VPS8: variants seen among roughly 807,000 people sequenced by gnomAD.
The protein encoded by VPS8 is vacuolar protein sorting-associated protein 8 homolog.
In VPS8, 129 loss-of-function variants were observed where a neutral mutation model predicts 216.4. The observed-to-expected ratio is 0.60, with a 90% CI of 0.52 to 0.69. VPS8 has a LOEUF of 0.69. Ranked by LOEUF, VPS8 falls within the 30% of genes least tolerant of loss-of-function variation. The pLI is 0.00. For synonymous variants in VPS8, 571 were observed against 565.4 expected (o/e 1.01, Z -0.14); for missense variants, 1,531 against 1,683.5 (o/e 0.91, Z 1.59).
chr3:184,869,007 T>C lies in VPS8; in HGVS notation c.1568T>C (p.Phe523Ser), dbSNP rs777102736. 25 of 1,609,710 alleles carry C rather than the reference T, an allele frequency of 1.6e-5. No individual in the cohort carries two copies. In the South Asian group the frequency reaches 2.8e-4, roughly 18 times the overall value. Residue 523 changes from phenylalanine to serine, a missense_variant, in exon 19 of 48, where the codon TTC becomes TCC. Coordinates refer to ENST00000625842, the MANE Select transcript of VPS8 (RefSeq NM_001009921.3). ...GAAGCGTTGGCTCTTGCGTGGTCTTTCCATGAAGGAAAAGCAAAAGCAGTA... is the reference window on the plus strand; with the variant it reads ...GAAGCGTTGGCTCTTGCGTGGTCTTCCCATGAAGGAAAAGCAAAAGCAGTA... ...LTEALALAWS[F>S]HEGKAKAVVG...
rs1265622224 is a variant in VPS8 at position 184,901,518 on chromosome 3, G to GT, written c.2146+557dup. Among the ~76,000 whole-genome samples the GT allele has an allele frequency of 5.9e-3, 829 of 141,562 alleles. 8 individuals are homozygous for GT. The highest frequency in any genetic ancestry group is 0.016 in the African/African-American group (632 of 38,856). 92.9% of individuals were successfully genotyped at this position (141,562 alleles called of 152,430 possible). On this transcript the variant is annotated intron_variant, in intron 25 of 47. Transcript: ENST00000625842. Reference sequence around the variant, plus strand: ...TTTAAGGTTTTTTTGGGTTTTTTTTGTTTTTTTTTTTAGTTAAACTTTCTG... The same window carrying GT: ...TTTAAGGTTTTTTTGGGTTTTTTTTGTTTTTTTTTTTTAGTTAAACTTTCTG...
chr3:184,963,518 T>C (rs1479419637), intron 37 of VPS8, among the ~76,000 whole-genome samples: 1 of 152,132 alleles, frequency 6.6e-6, no homozygotes, highest in African/African-American at 2.4e-5. Context: ...TACATTGTTT[T>C]CTATGGAGCA....
chr3:184,855,856 T>C lies in VPS8; in HGVS notation c.1143+38T>C, dbSNP rs1182092455. Reference sequence around the variant, plus strand: ...ATGACCATTAGAAAGCCTCTTACAATTTTTTTTATTCATCAGCAATTAATA... The same window carrying C: ...ATGACCATTAGAAAGCCTCTTACAACTTTTTTTATTCATCAGCAATTAATA... On this transcript the variant is annotated intron_variant, in intron 14 of 47. Coordinates refer to ENST00000625842, the MANE Select transcript of VPS8 (RefSeq NM_001009921.3). 7 of 1,481,298 alleles carry C rather than the reference T, an allele frequency of 4.7e-6. No homozygotes were observed. In the Admixed American group the frequency reaches 1.4e-4, roughly 30 times the overall value. The allele number at this position is 1,481,298 out of a possible 1,614,324, so 91.8% of individuals were successfully genotyped here.
chr3:184,957,544 G>A, intron 37 of VPS8, 23 bp downstream of exon 37: 1 of 1,594,184 alleles, frequency 6.3e-7, no homozygotes, highest in South Asian at 1.2e-5. Context: ...ATGTAAAAGA[G>A]ACAAGAGTAA....
rs755989364 is a variant in VPS8, at chr3:184,957,386, T to A, written c.3048T>A (p.His1016Gln). 4 of 1,609,480 alleles carry A rather than the reference T, an allele frequency of 2.5e-6. No homozygotes were observed. In the Admixed American group the frequency reaches 6.7e-5, roughly 27 times the overall value. The change falls in exon 37 of 48, where the codon CAT becomes CAA. Residue 1016 changes from histidine (H) to glutamine (Q), a missense_variant. His to Gln is a conservative substitution (Grantham distance 24). Transcript: ENST00000625842. ...TTTATGTTTTTAGGGAAGGTATTCA[T>A]GTAAATCAAGAATTACTGCAAATAT... The part of the protein sequence containing the change: ...RSLLDPREGI[H>Q]VNQELLQISP...
At position 185,039,235 on chromosome 3, in the gene VPS8, G is replaced by A. The variant is rs184915522; in HGVS notation, c.4057-9244G>A. Among the ~76,000 whole-genome samples, 553 of 152,158 alleles carry A rather than the reference G, an allele frequency of 3.6e-3. 3 individuals carry two copies. The highest frequency in any genetic ancestry group is 0.012 in the African/African-American group (492 of 41,534). ...TGGTCTTTAAATACTTGGAGTTTTC[G>A]TTTTATAGTTTTCACCAGTTTTTAT... On this transcript the variant is annotated intron_variant, in intron 46 of 47. Coordinates refer to ENST00000625842, the MANE Select transcript of VPS8 (RefSeq NM_001009921.3).
At chr3:184,999,937 CG>C in intron 45 of VPS8, 76 bp downstream of exon 45, 4 of 1,473,386 alleles carry the variant, frequency 2.7e-6, no homozygotes, top group Non-Finnish European at 2.7e-6. Context: ...TCATTTCCTT[CG>C]GTTCCATAGG....
At chr3:184,888,665 G>T (rs1289101020) in intron 22 of VPS8, among the ~76,000 whole-genome samples, 1 of 152,146 alleles carries the variant, frequency 6.6e-6, no homozygotes, top group Non-Finnish European at 1.5e-5. Context: ...GGAAGTGGAG[G>T]TGTAGAGGTA....
intron 18 of VPS8, 99 bp downstream of exon 18, chr3:184,868,158 T>C: frequency 2.3e-6 from 3 of 1,305,310 alleles, no homozygotes; most frequent in Admixed American, 1.9e-5. Context: ...GGTAAGCTTC[T>C]TAATTTCAGA....
intron 29 of VPS8, among the ~76,000 whole-genome samples, chr3:184,924,235 A>T (rs1739155615): frequency 6.6e-6 from 1 of 152,244 alleles, no homozygotes; most frequent in African/African-American, 2.4e-5. Flanking sequence ...ACTCTCAGTT[A>T]TCTTACTCTC....
rs967949252 is a variant in VPS8, at chr3:184,949,979, G to A, written c.3036-7395G>A. ...GGCTGGAGTGCAGTGGCGTGATTTC[G>A]GCTCACTGCAACCCCCACCTCTTGG... On this transcript the variant is annotated intron_variant, in intron 36 of 47. Coordinates refer to ENST00000625842, the MANE Select transcript of VPS8 (RefSeq NM_001009921.3). Among the ~76,000 whole-genome samples, 6 of 151,290 alleles carry A rather than the reference G, an allele frequency of 4.0e-5. No homozygotes were observed. In the East Asian group the frequency reaches 9.7e-4, roughly 25 times the overall value.
intron 42 of VPS8, among the ~76,000 whole-genome samples, chr3:184,988,318 G>A (rs1751417345): frequency 6.6e-6 from 1 of 152,116 alleles, no homozygotes; most frequent in Non-Finnish European, 1.5e-5. Context: ...TTAGAGCTAT[G>A]ATCCATTTTG....
chr3:184,895,093 G>C (rs1332941288), intron 23 of VPS8, among the ~76,000 whole-genome samples, 168 bp downstream of exon 23: 2 of 152,122 alleles, frequency 1.3e-5, no homozygotes, highest in Non-Finnish European at 1.5e-5. Context: ...TATTTCCTAG[G>C]ACTGTATTTA....
intron 46 of VPS8, among the ~76,000 whole-genome samples, chr3:185,032,815 G>T (rs1028588184): frequency 6.6e-6 from 1 of 152,066 alleles, no homozygotes; most frequent in Admixed American, 6.5e-5. Context: ...ACAGGTGTCC[G>T]CCACCAAGCC....
chr3:184,857,453 A>G (rs924338606), intron 14 of VPS8, among the ~76,000 whole-genome samples: 1 of 152,194 alleles, frequency 6.6e-6, no homozygotes, highest in Non-Finnish European at 1.5e-5. Context: ...TGTTTCATTC[A>G]TGTCCTTCAG....
At chr3:185,047,667 G>A (rs1419080759) in intron 46 of VPS8, among the ~76,000 whole-genome samples, 3 of 152,154 alleles carry the variant, frequency 2.0e-5, no homozygotes, top group Non-Finnish European at 4.4e-5. Context: ...CTAGGCAGGC[G>A]ACACTTTAAA....
chr3:184,829,179 A>G (rs911840197), intron 3 of VPS8, among the ~76,000 whole-genome samples: 2 of 152,120 alleles, frequency 1.3e-5, no homozygotes, highest in Non-Finnish European at 2.9e-5. Flanking sequence ...TGGCATGTAC[A>G]TACTTACACA....
At position 184,894,724 on chromosome 3, in the gene VPS8, G is replaced by A. The variant is rs768821394; in HGVS notation, c.1803G>A (p.Met601Ile). 43 of 1,603,424 alleles carry A rather than the reference G, an allele frequency of 2.7e-5. No homozygotes were observed. Among genetic ancestry groups the A allele is most frequent in the Admixed American group, 1.7e-5 (1 of 58,554 alleles). The change falls in exon 23 of 48, where the codon ATG becomes ATA. Residue 601 changes from methionine (M) to isoleucine (I), a missense_variant. By Grantham distance (10) the Met-to-Ile change is conservative. Transcript: ENST00000625842. Reference sequence around the variant, plus strand: ...ACAGGGATCTTTTATTTAGTCAGATGTATGATAAATTAAGTGAGAATTCAG... The same window carrying A: ...ACAGGGATCTTTTATTTAGTCAGATATATGATAAATTAAGTGAGAATTCAG... The part of the protein sequence containing the change: ...LQRKDLLFSQ[M>I]YDKLSENSVA...
intron 7 of VPS8, among the ~76,000 whole-genome samples, chr3:184,842,149 T>C (rs1233043115): frequency 8.4e-6 from 1 of 119,164 alleles, no homozygotes; most frequent in Non-Finnish European, 1.6e-5. Context: ...ATCGCGCCAC[T>C]GCACTCCAGC....
Sources: gnomAD v4.1 joint callset for allele counts (sites outside exome capture counted in the v4.1 genomes callset) on GRCh38, gnomAD v4.1.1 for gene constraint, MANE v1.5 for transcripts, NCBI Gene and HGNC (gene_info 2026-07-23, HGNC 2026-07-21) for gene names.